Variants in NOX4 observed in about 807,000 individuals in gnomAD.
NOX4 encodes the protein NADPH oxidase 4, also known as kidney oxidase-1.
NOX4 carries 69 observed loss-of-function variants against 87.6 expected under a neutral mutation model. The ratio of observed to expected loss-of-function variants is 0.79; its 90% CI spans 0.65 to 0.96. The LOEUF is 0.96. Among genes scored for constraint, NOX4 ranks in the 40% least tolerant of loss-of-function variants. The pLI is 0.00. For missense variants in NOX4, 680 were observed against 681.5 expected, an observed-to-expected ratio of 1.00 and a Z score of 0.02; for synonymous variants, 275 against 238.2, an observed-to-expected ratio of 1.15 and a Z score of -1.42.
intron 7 of NOX4, among the ~76,000 whole-genome samples, chr11:89,424,765 C>G (rs1943283150): frequency 6.6e-6 from 1 of 152,022 alleles, no homozygotes; most frequent in South Asian, 2.1e-4. Flanking sequence ...ATATTGAACT[C>G]TCCTTGAATT....
At chr11:89,456,803 C>T (rs909528027) in intron 2 of NOX4, among the ~76,000 whole-genome samples, 7 of 152,170 alleles carry the variant, frequency 4.6e-5, no homozygotes, top group Non-Finnish European at 8.8e-5. Flanking sequence ...ACAGGAACAG[C>T]TGCAGTGGAG....
intron 8 of NOX4, among the ~76,000 whole-genome samples, chr11:89,419,751 C>T (rs1165825552): frequency 6.6e-6 from 1 of 151,832 alleles, no homozygotes; most frequent in Non-Finnish European, 1.5e-5. Context: ...ATATGCATTC[C>T]TTTTACTTCC....
the NOX4 span, among the ~76,000 whole-genome samples, chr11:89,571,324 G>A: frequency 3.0e-5 from 4 of 134,780 alleles, no homozygotes; most frequent in Non-Finnish European, 6.3e-5. Flanking sequence ...TTTTTTTTTC[G>A]AGACGGAGTC....
intron 16 of NOX4, 121 bp downstream of exon 16, chr11:89,337,326 G>A: frequency 1.4e-6 from 2 of 1,438,836 alleles, no homozygotes; most frequent in South Asian, 1.3e-5. Context: ...TATTCCAAAG[G>A]AGGCTTTCCT....
At chr11:89,511,124 A>G in the NOX4 span, among the ~76,000 whole-genome samples, 1 of 152,062 alleles carries the variant, frequency 6.6e-6, no homozygotes, top group Non-Finnish European at 1.5e-5. Flanking sequence ...TTGACAAATA[A>G]TCATTATTAA....
In NOX4 at chr11:89,403,782, A is replaced by C. The variant is rs1370192042; in HGVS notation, c.630-1240T>G. 2.0e-5 allele frequency among the ~76,000 whole-genome samples: 3 copies of C among 152,152 alleles called. No individual in the cohort carries two copies. The East Asian group carries it at 5.8e-4, about 29-fold the overall frequency. On this transcript the variant is annotated intron_variant, in intron 8 of 17. Coordinates refer to ENST00000263317, the MANE Select transcript of NOX4 (RefSeq NM_016931.5). ...TAACAGCTATGATGCTTTTACAAAAATAATATTTTTAAACAAAACTGTATA... is the reference window on the plus strand; with the variant it reads ...TAACAGCTATGATGCTTTTACAAAACTAATATTTTTAAACAAAACTGTATA...
the NOX4 span, among the ~76,000 whole-genome samples, chr11:89,507,562 G>A: frequency 1.3e-5 from 2 of 151,594 alleles, no homozygotes; most frequent in Non-Finnish European, 2.9e-5. Flanking sequence ...AAAACTATGT[G>A]TGTGTATATA....
chr11:89,491,046 C>G (rs371621870), intron 1 of NOX4, 144 bp downstream of exon 1: 16 of 843,260 alleles, frequency 1.9e-5, no homozygotes, highest in African/African-American at 1.5e-4. Flanking sequence ...ATTGTTATCT[C>G]CAGCATAAAG....
At chr11:89,396,233 T>C (rs1171262705) in intron 11 of NOX4, among the ~76,000 whole-genome samples, 1 of 152,152 alleles carries the variant, frequency 6.6e-6, no homozygotes, top group African/African-American at 2.4e-5. Flanking sequence ...CCTTGTAAGT[T>C]GGATTCCTAG....
chr11:89,363,725 C>T (rs1400406955), intron 12 of NOX4, among the ~76,000 whole-genome samples: 1 of 151,856 alleles, frequency 6.6e-6, no homozygotes, highest in Non-Finnish European at 1.5e-5. Context: ...ATATCCATAC[C>T]AACTAGAAAG....
At chr11:89,468,552 C>T (rs1158601669) in intron 2 of NOX4, among the ~76,000 whole-genome samples, 1 of 152,154 alleles carries the variant, frequency 6.6e-6, no homozygotes, top group Admixed American at 6.5e-5. Flanking sequence ...GAGTTTCCAA[C>T]ATATAGGTTT....
chr11:89,339,238 A>G (rs1157100686), intron 15 of NOX4, among the ~76,000 whole-genome samples: 3 of 152,164 alleles, frequency 2.0e-5, no homozygotes, highest in Non-Finnish European at 4.4e-5. Context: ...ACTCTAAAAG[A>G]ATCTGGTGGG....
chr11:89,486,959 A>T (rs998632791), intron 2 of NOX4, among the ~76,000 whole-genome samples: 1 of 152,100 alleles, frequency 6.6e-6, no homozygotes, highest in Non-Finnish European at 1.5e-5. Flanking sequence ...ATTATTAAAT[A>T]AATGTCACTG....
the NOX4 span, among the ~76,000 whole-genome samples, chr11:89,544,230 T>G: frequency 3.3e-5 from 5 of 152,114 alleles, no homozygotes; most frequent in African/African-American, 1.2e-4. Context: ...TGCTTAAATG[T>G]TTTTTTCCTC....
the NOX4 span, among the ~76,000 whole-genome samples, chr11:89,563,276 A>G: frequency 6.6e-6 from 1 of 152,168 alleles, no homozygotes; most frequent in African/African-American, 2.4e-5. Flanking sequence ...AGCTTTTCAT[A>G]TCTTTGTTAA....
intron 11 of NOX4, among the ~76,000 whole-genome samples, chr11:89,375,498 G>T (rs1365381853): frequency 3.3e-5 from 5 of 152,012 alleles, no homozygotes; most frequent in African/African-American, 1.2e-4. Flanking sequence ...AGTAGAGTTT[G>T]GGTTTCACAG....
At chr11:89,555,522 A>G in the NOX4 span, among the ~76,000 whole-genome samples, 1 of 152,080 alleles carries the variant, frequency 6.6e-6, no homozygotes, top group South Asian at 2.1e-4. Flanking sequence ...CTTATTCTTT[A>G]TTTATCCTGT....
At chr11:89,395,724 C>T (rs1276339175) in intron 11 of NOX4, among the ~76,000 whole-genome samples, 1 of 152,182 alleles carries the variant, frequency 6.6e-6, no homozygotes, top group Non-Finnish European at 1.5e-5. Flanking sequence ...CTACATACAA[C>T]TAGCCAATTT....
Position 89,453,009 on chromosome 11 carries a change from A to G in NOX4, c.154-1114T>C, listed in dbSNP as rs182929901. 6.6e-5 allele frequency among the ~76,000 whole-genome samples: 10 copies of G among 151,840 alleles called. No individual in the cohort carries two copies. In the South Asian group the frequency reaches 2.1e-3, roughly 32 times the overall value. On this transcript the variant is annotated intron_variant, in intron 2 of 17. Transcript: ENST00000263317. ...CAGTGAGTCATGTTCATGCCACTGGAGTACAGCCTGGGTGAAAGGGCGAGA... is the reference window on the plus strand; with the variant it reads ...CAGTGAGTCATGTTCATGCCACTGGGGTACAGCCTGGGTGAAAGGGCGAGA...
Sources: gnomAD v4.1 joint callset for allele counts (sites outside exome capture counted in the v4.1 genomes callset) on GRCh38, gnomAD v4.1.1 for gene constraint, MANE v1.5 for transcripts, NCBI Gene and HGNC (gene_info 2026-07-23, HGNC 2026-07-21) for gene names.